Variants in ANO4 observed in about 807,000 individuals in gnomAD.
ANO4 encodes the protein anoctamin 4.
A neutral mutation model predicts 141.9 loss-of-function variants in ANO4; 69 were observed. The ratio of observed to expected loss-of-function variants is 0.49; its 90% CI spans 0.40 to 0.59. ANO4 has a LOEUF of 0.59. Ranked by LOEUF, ANO4 falls within the 20% of genes least tolerant of loss-of-function variation. ANO4 has a pLI of 0.00. For missense variants in ANO4, 894 were observed against 1,162.2 expected (o/e 0.77, Z 3.36); for synonymous variants, 350 against 394.3 (o/e 0.89, Z 1.33).
intron 1 of ANO4, among the ~76,000 whole-genome samples, chr12:100,816,557 C>T (rs2035751646): frequency 1.3e-5 from 2 of 151,788 alleles, no homozygotes; most frequent in African/African-American, 4.8e-5. Context: ...AAACTAGACA[C>T]TAGATTAGAC....
rs1477776152 is a variant in ANO4, at chr12:101,096,520, C to T, written c.1739-16C>T. ...GAGATTCAGCCTTTCAAACTCTGCT[C>T]ACCTTTTGTCCACAGAACAGCCTCG... On this transcript the variant is annotated splice_polypyrimidine_tract_variant and intron_variant, in intron 18 of 27. Transcript: ENST00000392977. The T allele has an allele frequency of 1.9e-6, 3 of 1,596,092 alleles. No homozygotes were observed. In the African/African-American group the frequency reaches 4.0e-5, roughly 21 times the overall value.
At chr12:101,104,613 GTGTATGTA>G (rs372891417) in intron 22 of ANO4, among the ~76,000 whole-genome samples, 19,650 of 87,912 alleles carry the variant, frequency 0.22, 1,853 homozygotes, top group African/African-American at 0.36. Context: ...GTGTGTGTGT[GTGTATGTA>G]TGTGTGTATA....
intron 1 of ANO4, among the ~76,000 whole-genome samples, chr12:100,896,054 C>G (rs1466587915): frequency 6.6e-6 from 1 of 152,080 alleles, no homozygotes; most frequent in African/African-American, 2.4e-5. Flanking sequence ...ATAACATCCC[C>G]AAGGATGGAC....
chr12:100,838,580 A>G (rs145010995), intron 1 of ANO4, among the ~76,000 whole-genome samples: 1 of 152,230 alleles, frequency 6.6e-6, no homozygotes, highest in African/African-American at 2.4e-5. Context: ...TGCTGTTGGG[A>G]ATACATATGG....
intron 1 of ANO4, among the ~76,000 whole-genome samples, chr12:100,843,847 T>TG (rs1305420140): frequency 6.6e-6 from 1 of 152,184 alleles, no homozygotes; most frequent in African/African-American, 2.4e-5. Flanking sequence ...TTGTTCATGT[T>TG]GAAAAACTGA....
intron 1 of ANO4, among the ~76,000 whole-genome samples, chr12:100,730,726 A>G (rs1467616204): frequency 6.6e-6 from 1 of 152,210 alleles, no homozygotes; most frequent in Admixed American, 6.5e-5. Flanking sequence ...AGGTGTGGCT[A>G]GCTGTTCAGG....
At chr12:100,999,669 G>T (rs994850382) in intron 8 of ANO4, among the ~76,000 whole-genome samples, 2 of 151,960 alleles carry the variant, frequency 1.3e-5, no homozygotes, top group Admixed American at 1.3e-4. Flanking sequence ...AAGTTTTGAT[G>T]GGAAAAAAGA....
intron 1 of ANO4, among the ~76,000 whole-genome samples, chr12:100,828,225 A>G (rs1449391722): frequency 6.6e-6 from 1 of 151,870 alleles, no homozygotes; most frequent in Non-Finnish European, 1.5e-5. Context: ...TTTATTTAAT[A>G]TTTCCTCCAT....
rs894918756 is a variant in ANO4, at chr12:100,807,598, G to A, written c.-141+12571G>A. ...TTAACTTTTAAGCTCAGGGGTACAA[G>A]TGTGGGTTTGTTGCATAGGTAAACG... On this transcript the variant is annotated intron_variant, in intron 1 of 27. Transcript: ENST00000392977. 3.9e-5 allele frequency among the ~76,000 whole-genome samples: 6 copies of A among 152,144 alleles called. No individual in the cohort carries two copies. In the East Asian group the frequency reaches 9.6e-4, roughly 24 times the overall value.
Position 100,738,505 on chromosome 12 carries a change from G to C in ANO4, c.107-1349G>C, listed in dbSNP as rs142930092. Reference sequence around the variant, plus strand: ...AACAAAAAAGACTTGTTAGCTGTGTGAACTATATTTTTTCAAAATTAAATA... The same window carrying C: ...AACAAAAAAGACTTGTTAGCTGTGTCAACTATATTTTTTCAAAATTAAATA... On this transcript the variant is annotated intron_variant, in intron 2 of 29. Transcript: ENST00000644049. Among the ~76,000 whole-genome samples, 386 of 152,130 alleles carry C rather than the reference G, an allele frequency of 2.5e-3. 1 individual carries two copies. The highest frequency in any genetic ancestry group is 8.5e-3 in the African/African-American group (354 of 41,508).
intron 1 of ANO4, among the ~76,000 whole-genome samples, chr12:100,825,973 A>G (rs1411974565): frequency 2.0e-5 from 3 of 152,056 alleles, no homozygotes; most frequent in Non-Finnish European, 2.9e-5. Context: ...GCCAAAATCA[A>G]CTGGCTTGGG....
intron 14 of ANO4, chr12:101,066,734 A>C (rs1298611806): frequency 1.2e-6 from 1 of 827,694 alleles, no homozygotes; most frequent in Non-Finnish European, 2.1e-6. Flanking sequence ...CTGCGTTGCC[A>C]TGGCCACAGT....
At chr12:100,810,023 C>T (rs529456086) in intron 1 of ANO4, among the ~76,000 whole-genome samples, 4 of 152,200 alleles carry the variant, frequency 2.6e-5, no homozygotes, top group East Asian at 1.9e-4. Flanking sequence ...CAGATATGCT[C>T]CCCACTCCCA....
intron 3 of ANO4, among the ~76,000 whole-genome samples, chr12:100,768,708 C>G (rs1236417069): frequency 6.6e-6 from 1 of 152,156 alleles, no homozygotes; most frequent in East Asian, 1.9e-4. Context: ...AAATGCCATA[C>G]TTTTATGTTA....
intron 24 of ANO4, 120 bp from the exon 25 acceptor site, chr12:101,116,559 A>C: frequency 7.1e-7 from 1 of 1,405,098 alleles, no homozygotes; most frequent in South Asian, 1.3e-5. Context: ...CTGGTTGACA[A>C]GGAAGGGCCA....
At chr12:100,920,471 C>T (rs1025039522) in intron 2 of ANO4, among the ~76,000 whole-genome samples, 1 of 144,266 alleles carries the variant, frequency 6.9e-6, no homozygotes, top group Non-Finnish European at 1.5e-5. Context: ...TCAAATAGAA[C>T]AAAGCTGACT....
At chr12:101,000,859 G>A (rs1215486959) in intron 8 of ANO4, among the ~76,000 whole-genome samples, 1 of 152,150 alleles carries the variant, frequency 6.6e-6, no homozygotes, top group Non-Finnish European at 1.5e-5. Context: ...CTTAATATTT[G>A]TGAGAACATC....
chr12:100,777,376 C>T (rs1282199083), intron 3 of ANO4, among the ~76,000 whole-genome samples: 1 of 148,256 alleles, frequency 6.7e-6, no homozygotes, highest in Non-Finnish European at 1.5e-5. Flanking sequence ...GCCTTGGCCT[C>T]CCAAAGTGCT....
intron 8 of ANO4, among the ~76,000 whole-genome samples, chr12:100,988,363 G>C (rs138916213): frequency 1.6e-3 from 247 of 152,118 alleles, no homozygotes; most frequent in African/African-American, 5.7e-3. Context: ...GGACAGAAAA[G>C]CCTGCCGTGT....
Sources: gnomAD v4.1 joint callset for allele counts (sites outside exome capture counted in the v4.1 genomes callset) on GRCh38, gnomAD v4.1.1 for gene constraint, MANE v1.5 for transcripts, NCBI Gene and HGNC (gene_info 2026-07-23, HGNC 2026-07-21) for gene names.